The following DLG2 variants were observed in gnomAD, a reference collection of about 807,000 sequenced individuals.
The protein encoded by DLG2 is disks large homolog 2.
In DLG2, 45 loss-of-function variants were observed where a neutral mutation model predicts 132.5. That is an observed-to-expected ratio of 0.34 (90% confidence interval 0.27 to 0.44). The LOEUF (loss-of-function observed/expected upper bound fraction) is 0.44, where lower values mean the gene tolerates loss of function less well. DLG2 is among the 20% of genes least tolerant of loss of function. The pLI is 1.00. For synonymous variants in DLG2, 424 were observed against 419.6 expected (o/e 1.01, Z -0.13); for missense variants, 1,045 against 1,196.9 (o/e 0.87, Z 1.87).
At chr11:84,721,166 C>A (rs1442335596) in intron 6 of DLG2, among the ~76,000 whole-genome samples, 1 of 152,136 alleles carries the variant, frequency 6.6e-6, no homozygotes, top group Non-Finnish European at 1.5e-5. Context: ...CCGCTCGGAG[C>A]GCGGCAGGGA....
At chr11:85,084,068 A>G (rs1395531204) in intron 6 of DLG2, among the ~76,000 whole-genome samples, 1 of 152,178 alleles carries the variant, frequency 6.6e-6, no homozygotes, top group Non-Finnish European at 1.5e-5. Context: ...GTACTTATGG[A>G]TTTTGCTCTA....
intron 7 of DLG2, among the ~76,000 whole-genome samples, chr11:84,436,475 TAAAGATA>T (rs749856606): frequency 6.6e-5 from 10 of 152,162 alleles, no homozygotes; most frequent in Non-Finnish European, 1.0e-4. Context: ...CATAAAGCAG[TAAAGATA>T]CTGGGCTGAA....
rs548534165 is a variant in DLG2 at position 84,127,846 on chromosome 11, C to T, written c.625-28799G>A. Among the ~76,000 whole-genome samples the T allele has an allele frequency of 1.3e-3, 193 of 152,206 alleles. 1 individual carries two copies. The highest frequency in any genetic ancestry group is 4.5e-3 in the African/African-American group (185 of 41,542). ...ATTGGATTAGGGCCCACCCTAATGA[C>T]CTCATCTTAACTTCATCATCTACAA... On this transcript the variant is annotated intron_variant, in intron 9 of 27. Transcript: ENST00000376104.
chr11:83,894,950 T>G (rs2071143003), intron 15 of DLG2, among the ~76,000 whole-genome samples: 1 of 150,096 alleles, frequency 6.7e-6, no homozygotes, highest in Non-Finnish European at 1.5e-5. Context: ...GTTCCATCCA[T>G]GTTGTTGCAA....
At chr11:84,442,212 T>C (rs2099019349) in intron 7 of DLG2, among the ~76,000 whole-genome samples, 1 of 152,182 alleles carries the variant, frequency 6.6e-6, no homozygotes, top group Non-Finnish European at 1.5e-5. Context: ...CTTTGGGCAG[T>C]ATGGCCATTT....
At chr11:83,514,465 T>C (rs554901436) in intron 21 of DLG2, among the ~76,000 whole-genome samples, 2 of 152,348 alleles carry the variant, frequency 1.3e-5, no homozygotes, top group African/African-American at 4.8e-5. Flanking sequence ...TACAATCATG[T>C]CATCTGCAAA....
At chr11:84,846,338 G>A (rs1312679418) in intron 6 of DLG2, among the ~76,000 whole-genome samples, 2 of 152,012 alleles carry the variant, frequency 1.3e-5, no homozygotes, top group Non-Finnish European at 2.9e-5. Flanking sequence ...CCCATGTAGA[G>A]GTAAATGGAA....
intron 15 of DLG2, among the ~76,000 whole-genome samples, chr11:83,899,705 G>A (rs1372279794): frequency 6.6e-6 from 1 of 152,144 alleles, no homozygotes; most frequent in Non-Finnish European, 1.5e-5. Context: ...GGAAATGTAA[G>A]TCCAATAAGC....
At chr11:85,490,724 T>G (rs905105275) in intron 3 of DLG2, among the ~76,000 whole-genome samples, 1 of 151,954 alleles carries the variant, frequency 6.6e-6, no homozygotes, top group Non-Finnish European at 1.5e-5. Flanking sequence ...ATTTCTAAAA[T>G]CATACAACCT....
chr11:84,245,815 A>G (rs1416060064), intron 8 of DLG2, among the ~76,000 whole-genome samples: 1 of 152,070 alleles, frequency 6.6e-6, no homozygotes, highest in Non-Finnish European at 1.5e-5. Flanking sequence ...TTTATTTTTT[A>G]TTCTCATAAA....
chr11:83,641,268 T>C (rs1229317459), intron 18 of DLG2, among the ~76,000 whole-genome samples: 1 of 152,134 alleles, frequency 6.6e-6, no homozygotes, highest in Non-Finnish European at 1.5e-5. Flanking sequence ...CAAACAAATA[T>C]ACTACTGCTC....
chr11:85,320,436 A>G (rs2080981861), intron 3 of DLG2, among the ~76,000 whole-genome samples: 1 of 151,912 alleles, frequency 6.6e-6, no homozygotes, highest in South Asian at 2.1e-4. Flanking sequence ...GCATTTAATC[A>G]TTCAAAAAAA....
At chr11:84,452,533 T>C (rs1052964403) in intron 7 of DLG2, among the ~76,000 whole-genome samples, 1 of 151,722 alleles carries the variant, frequency 6.6e-6, no homozygotes, top group Non-Finnish European at 1.5e-5. Context: ...TCAAAAGGAA[T>C]AGTAACTTGG....
chr11:84,763,912 GGGCT>G (rs1247866345), intron 6 of DLG2, among the ~76,000 whole-genome samples: 1 of 151,930 alleles, frequency 6.6e-6, no homozygotes, highest in African/African-American at 2.4e-5. Context: ...TTGGGGTGAG[GGGCT>G]ACATCAGCAA....
chr11:84,404,381 T>C (rs139428261), intron 7 of DLG2, among the ~76,000 whole-genome samples: 228 of 152,290 alleles, frequency 1.5e-3, no homozygotes, highest in African/African-American at 5.3e-3. Context: ...ACTACCTCTT[T>C]GAGAAGGCTT....
chr11:83,958,166 C>A (rs2449592), intron 14 of DLG2, among the ~76,000 whole-genome samples: 1 of 152,198 alleles, frequency 6.6e-6, no homozygotes, highest in Non-Finnish European at 1.5e-5. Flanking sequence ...AATAACTGAA[C>A]GAAGGAGAAA....
intron 7 of DLG2, among the ~76,000 whole-genome samples, chr11:84,439,292 C>A (rs946257579): frequency 3.9e-5 from 6 of 152,092 alleles, no homozygotes; most frequent in African/African-American, 1.4e-4. Flanking sequence ...CCTTTCCTGC[C>A]CTATGAGTCT....
intron 11 of DLG2, among the ~76,000 whole-genome samples, chr11:84,044,847 A>G (rs937119250): frequency 6.6e-6 from 1 of 151,736 alleles, no homozygotes; most frequent in East Asian, 1.9e-4. Context: ...GATTTTGTCA[A>G]TCACCCGTAC....
intron 19 of DLG2, among the ~76,000 whole-genome samples, chr11:83,626,579 G>A (rs568192129): frequency 6.6e-6 from 1 of 152,192 alleles, no homozygotes; most frequent in Non-Finnish European, 1.5e-5. Context: ...ACTGTCTCAG[G>A]TAGTAGCAAC....
Sources: allele counts gnomAD v4.1 joint callset (sites outside exome capture counted in the v4.1 genomes callset), GRCh38; gene constraint gnomAD v4.1.1; transcripts MANE v1.5; gene names NCBI Gene and HGNC (gene_info 2026-07-23, HGNC 2026-07-21).